FLNB: variants seen among roughly 807,000 people sequenced by gnomAD.
FLNB encodes the protein filamin B, also known as filamin-B.
In FLNB, 111 loss-of-function variants were observed where a neutral mutation model predicts 250.6. The observed-to-expected ratio is 0.44, with a 90% CI of 0.38 to 0.52. The LOEUF is 0.52. FLNB is among the 20% of genes least tolerant of loss of function. The pLI is 0.00. For synonymous variants in FLNB, 1,302 were observed against 1,372.1 expected (o/e 0.95, Z 1.13); for missense variants, 2,869 against 3,447.8 (o/e 0.83, Z 4.20).
At chr3:58,081,316 CCTTTTAT>C (rs1478932925) in intron 3 of FLNB, among the ~76,000 whole-genome samples, 1 of 152,110 alleles carries the variant, frequency 6.6e-6, no homozygotes, top group African/African-American at 2.4e-5. Flanking sequence ...TATAGCTTAT[CCTTTTAT>C]CATTTTTGAA....
chr3:58,148,086 CACTTA>C, intron 34 of FLNB, 115 bp from the exon 35 acceptor site: 1 of 982,068 alleles, frequency 1.0e-6, no homozygotes, highest in Non-Finnish European at 1.6e-6. Flanking sequence ...ATTTTTTTTT[CACTTA>C]ACTTTGTGTA....
chr3:58,016,952 G>T (rs2097106633), intron 1 of FLNB, among the ~76,000 whole-genome samples: 1 of 152,118 alleles, frequency 6.6e-6, no homozygotes, highest in African/African-American at 2.4e-5. Flanking sequence ...CATTAAACGG[G>T]CACAGTAATC....
chr3:58,040,550 A>G (rs1192812428), intron 1 of FLNB, among the ~76,000 whole-genome samples: 2 of 152,210 alleles, frequency 1.3e-5, no homozygotes, highest in African/African-American at 4.8e-5. Flanking sequence ...TCTGGAGTGC[A>G]GTGGCCTGAT....
Position 58,011,105 on chromosome 3 carries a change from G to A in FLNB, c.292+2249G>A, listed in dbSNP as rs544581823. 2.6e-5 allele frequency among the ~76,000 whole-genome samples: 4 copies of A among 152,242 alleles called. No homozygotes were observed. The East Asian group carries it at 5.8e-4, about 22-fold the overall frequency. ...AATTTTTGTATTCTTAGTAGAGATGGGGTTTCACCATGTTGGCCAGGCTGG... is the reference window on the plus strand; with the variant it reads ...AATTTTTGTATTCTTAGTAGAGATGAGGTTTCACCATGTTGGCCAGGCTGG... On this transcript the variant is annotated intron_variant, in intron 1 of 45. Coordinates refer to ENST00000295956, the MANE Select transcript of FLNB (RefSeq NM_001457.4).
rs541073244 is a variant in FLNB, at chr3:58,057,546, A to T, written c.293-19500A>T. Among the ~76,000 whole-genome samples the T allele has an allele frequency of 4.5e-4, 67 of 150,124 alleles. 1 individual carries two copies. In the South Asian group the frequency reaches 0.013, roughly 30 times the overall value. ...GGCCAGTAAAGGGGCCTGACATTAG[A>T]TGATGGCTGCTGGGCTAGGGAACAA... On this transcript the variant is annotated intron_variant, in intron 1 of 45. Transcript: ENST00000295956.
At chr3:58,128,007 G>A (rs1298139992) in intron 24 of FLNB, among the ~76,000 whole-genome samples, 1 of 152,128 alleles carries the variant, frequency 6.6e-6, no homozygotes, top group Non-Finnish European at 1.5e-5. Context: ...GGGCTGTTCT[G>A]GGCCACTTAT....
At chr3:58,029,311 C>T (rs144423762) in intron 1 of FLNB, among the ~76,000 whole-genome samples, 102 of 152,248 alleles carry the variant, frequency 6.7e-4, no homozygotes, top group African/African-American at 2.3e-3. Context: ...TCTATACTCT[C>T]TGCAAAGCAA....
Position 58,109,340 on chromosome 3 carries a change from A to C in FLNB, c.2199+18A>C, listed in dbSNP as rs2097264713. Reference sequence around the variant, plus strand: ...CCTACAGGGTAGGTTGTGAGGCAGAATCCTGGCTGTTTTATGGAAATGCCT... The same window carrying C: ...CCTACAGGGTAGGTTGTGAGGCAGACTCCTGGCTGTTTTATGGAAATGCCT... On this transcript the variant is annotated intron_variant, in intron 14 of 45. Coordinates refer to ENST00000295956, the MANE Select transcript of FLNB (RefSeq NM_001457.4). The C allele has an allele frequency of 6.2e-7, 1 of 1,609,960 alleles. No homozygotes were observed. Among genetic ancestry groups the C allele is most frequent in the Admixed American group, 1.7e-5 (1 of 59,282 alleles).
Position 58,142,068 on chromosome 3 carries a change from C to G in FLNB, c.5181+139C>G. The G allele has an allele frequency of 1.3e-6, 1 of 750,100 alleles. No individual in the cohort carries two copies. 46.5% of individuals were successfully genotyped at this position (750,100 alleles called of 1,614,324 possible). ...GTGTGCCCCTCACTGATCAGCCCAT[C>G]ACGATGATCCCTGCTTTTTCTGTAA... On this transcript the variant is annotated intron_variant, in intron 30 of 45. Transcript: ENST00000295956. This position sits in a 1 kb window ranked among gnomAD's most constrained non-coding sequence, Gnocchi z 4.3.
chr3:58,090,884 C>A (rs1160397943), intron 4 of FLNB, among the ~76,000 whole-genome samples: 31 of 151,998 alleles, frequency 2.0e-4, no homozygotes, highest in Non-Finnish European at 1.9e-4. Context: ...CAAGACCATC[C>A]TGGCTAACAC....
rs909184122 is a variant in FLNB, at chr3:58,124,334, G to A, written c.3727G>A (p.Val1243Met). ...VFGPGIEGKD[V>M]FREATTDFTV... ...TTAGCTATGTGCTTGCTCTGCAGAT[G>A]TGTTCCGGGAAGCTACCACCGACTT... Residue 1243 changes from valine to methionine, a missense_variant and splice_region_variant, in exon 22 of 46, where the codon GTG (valine) becomes ATG (methionine). By Grantham distance (21) the Val-to-Met change is conservative. Transcript: ENST00000295956. 3 of 1,614,038 alleles carry A rather than the reference G, an allele frequency of 1.9e-6. No homozygotes were observed. In the African/African-American group the frequency reaches 4.0e-5, roughly 22 times the overall value.
chr3:58,087,783 C>G (rs1056231018), intron 4 of FLNB, among the ~76,000 whole-genome samples: 3 of 151,874 alleles, frequency 2.0e-5, no homozygotes, highest in African/African-American at 7.3e-5. Context: ...TCTTGTTGCC[C>G]AGGCTGGAGT....
chr3:58,161,883 G>C (rs892348729), intron 42 of FLNB, among the ~76,000 whole-genome samples: 2 of 152,172 alleles, frequency 1.3e-5, no homozygotes, highest in African/African-American at 4.8e-5. Context: ...GAAGTCGAGA[G>C]CCTCCTTTCC....
intron 26 of FLNB, among the ~76,000 whole-genome samples, chr3:58,133,328 G>A (rs998232994): frequency 6.6e-6 from 1 of 151,692 alleles, no homozygotes; most frequent in African/African-American, 2.4e-5. Flanking sequence ...CACGTGTGGT[G>A]GGATTCGCCT....
At chr3:58,078,972 A>T (rs1266460305) in intron 3 of FLNB, among the ~76,000 whole-genome samples, 158 bp downstream of exon 3, 1 of 152,146 alleles carries the variant, frequency 6.6e-6, no homozygotes, top group Non-Finnish European at 1.5e-5. Context: ...ACCCATAATA[A>T]TAGTAGGTTC....
chr3:58,131,220 G>A (rs966319752), intron 25 of FLNB, among the ~76,000 whole-genome samples: 11 of 152,146 alleles, frequency 7.2e-5, no homozygotes, highest in African/African-American at 2.2e-4. Context: ...TTGTGAGGGG[G>A]TGGGTTGCTC....
At chr3:58,143,201 T>C (rs560848607) in intron 31 of FLNB, among the ~76,000 whole-genome samples, 1 of 152,222 alleles carries the variant, frequency 6.6e-6, no homozygotes, top group Admixed American at 6.5e-5. Flanking sequence ...GGTTTCATGG[T>C]GTTCTCAAGT....
intron 8 of FLNB, among the ~76,000 whole-genome samples, chr3:58,101,702 T>TTTGACTGGTTGTTC (rs1238658335): frequency 2.6e-5 from 4 of 152,192 alleles, no homozygotes; most frequent in African/African-American, 7.2e-5. Flanking sequence ...GTTGGTTGTT[T>TTTGACTGGTTGTTC]TTGCCTGGTT....
intron 1 of FLNB, among the ~76,000 whole-genome samples, chr3:58,054,025 G>A (rs1021393667): frequency 1.3e-5 from 2 of 152,156 alleles, no homozygotes; most frequent in African/African-American, 4.8e-5. Flanking sequence ...GCTTAAGGGG[G>A]TGAATTCAGA....
Sources: gnomAD v4.1 joint callset for allele counts (sites outside exome capture counted in the v4.1 genomes callset) on GRCh38, gnomAD v4.1.1 for gene constraint, Gnocchi (gnomAD v3.1) non-coding constraint, MANE v1.5 for transcripts, NCBI Gene and HGNC (gene_info 2026-07-23, HGNC 2026-07-21) for gene names.